The following CPLANE1 variants were observed in gnomAD, a reference collection of about 807,000 sequenced individuals.
CPLANE1 encodes ciliogenesis and planar polarity effector complex subunit 1, also known as ciliogenesis and planar polarity effector 1.
Under a neutral mutation model 362.5 loss-of-function variants are expected in CPLANE1, and 263 were observed. The observed-to-expected ratio is 0.73, with a 90% confidence interval of 0.66 to 0.80. The LOEUF (loss-of-function observed/expected upper bound fraction) is 0.80. Among genes scored for constraint, CPLANE1 ranks in the 30% least tolerant of loss-of-function variants. The pLI, the probability that CPLANE1 is intolerant of heterozygous loss-of-function variation, is 0.00. For synonymous variants in CPLANE1, 1,212 were observed against 1,302.6 expected, an observed-to-expected ratio of 0.93 and a Z score of 1.50; for missense variants, 3,461 against 3,793.4, an observed-to-expected ratio of 0.91 and a Z score of 2.30.
chr5:37,240,002 C>T (rs1217649003), intron 6 of CPLANE1, 133 bp from the exon 7 acceptor site: 5 of 554,284 alleles, frequency 9.0e-6, no homozygotes, highest in Non-Finnish European at 8.8e-6. Context: ...ATTTTAGAGA[C>T]TATGTTAATC....
At chr5:37,088,442 A>T in the CPLANE1 span, among the ~76,000 whole-genome samples, 1 of 152,226 alleles carries the variant, frequency 6.6e-6, no homozygotes, top group Non-Finnish European at 1.5e-5. Flanking sequence ...TTCTATGCGG[A>T]GATCCAGGTC....
At chr5:37,219,385 A>G (rs1216260591) in intron 15 of CPLANE1, among the ~76,000 whole-genome samples, 4 of 151,982 alleles carry the variant, frequency 2.6e-5, no homozygotes, top group Non-Finnish European at 4.4e-5. Context: ...AAAGTCAGCC[A>G]GGCATGGTGG....
chr5:37,187,757 T>A lies in CPLANE1; in HGVS notation c.3897A>T (p.Ala1299=). The A allele has an allele frequency of 6.2e-7, 1 of 1,613,782 alleles. No individual in the cohort carries two copies. The highest frequency in any genetic ancestry group is 1.1e-5 in the South Asian group (1 of 91,024). The change falls in exon 22 of 53, where the codon GCA becomes GCT. Residue 1299 remains alanine, a synonymous_variant. Coordinates refer to ENST00000651892, the MANE Select transcript of CPLANE1 (RefSeq NM_001384732.1). ...CCTTTTCTCCTTTTACATTTTCTCT[T>A]GCTTTCTGATATTGCCTGCAACTAT... ...LSYSCRQYQK[A]RENVKGEKDL... is the part of the protein sequence containing the mutation.
chr5:37,207,882 A>G (rs544365507), intron 16 of CPLANE1, among the ~76,000 whole-genome samples: 2 of 151,896 alleles, frequency 1.3e-5, no homozygotes, highest in African/African-American at 2.4e-5. Flanking sequence ...AATGCAACTC[A>G]TATCACTCTC....
At chr5:37,234,504 GAA>G (rs559018471) in intron 8 of CPLANE1, among the ~76,000 whole-genome samples, 3 of 119,340 alleles carry the variant, frequency 2.5e-5, no homozygotes, top group Admixed American at 8.5e-5. Context: ...ACAAAAATAA[GAA>G]AAAAAAAAAA....
chr5:37,180,426 T>A (rs1004673739), intron 27 of CPLANE1, among the ~76,000 whole-genome samples: 1 of 152,158 alleles, frequency 6.6e-6, no homozygotes, highest in African/African-American at 2.4e-5. Flanking sequence ...GTTCAGTAAA[T>A]AACTAAACAT....
chr5:37,152,046 A>G (rs1773703708), intron 42 of CPLANE1, among the ~76,000 whole-genome samples: 1 of 152,252 alleles, frequency 6.6e-6, no homozygotes, highest in Admixed American at 6.5e-5. Flanking sequence ...AAGGTGTACT[A>G]TAAACCTAAT....
chr5:37,230,246 C>T (rs1797441119), intron 9 of CPLANE1, among the ~76,000 whole-genome samples: 1 of 150,678 alleles, frequency 6.6e-6, no homozygotes, highest in African/African-American at 2.4e-5. Flanking sequence ...AATAACTAAC[C>T]CAAAGTCATA....
chr5:37,234,153 T>C (rs1798373193), intron 8 of CPLANE1, among the ~76,000 whole-genome samples: 1 of 152,022 alleles, frequency 6.6e-6, no homozygotes, highest in Non-Finnish European at 1.5e-5. Flanking sequence ...CAGACATCAA[T>C]GGAATGCCAC....
At chr5:37,122,772 G>T (rs1763028926) in intron 47 of CPLANE1, among the ~76,000 whole-genome samples, 1 of 152,040 alleles carries the variant, frequency 6.6e-6, no homozygotes, top group African/African-American at 2.4e-5. Flanking sequence ...AAATTAGCTG[G>T]GCATGTGGCA....
rs1285984652 is a variant in CPLANE1 at position 37,122,429 on chromosome 5, CCTGT to C, written c.9014_9017del (p.Arg3006CysfsTer17). ...CACAGGGTTACAGCTACCAAACTCACCTGTCTTTTTCATGCTTCATCTTTTGTCT... is the reference window on the plus strand; with the variant it reads ...CACAGGGTTACAGCTACCAAACTCACCTTTTTCATGCTTCATCTTTTGTCT... On this transcript the variant is annotated frameshift_variant and splice_region_variant, in exon 48 of 53. Transcript: ENST00000651892. LOFTEE classifies it high-confidence loss of function. 3 of 1,612,600 alleles carry C rather than the reference CCTGT, an allele frequency of 1.9e-6. No individual in the cohort carries two copies. The East Asian group carries it at 6.7e-5, about 36-fold the overall frequency.
chr5:37,213,075 G>T (rs759107198), intron 16 of CPLANE1, among the ~76,000 whole-genome samples: 5 of 152,320 alleles, frequency 3.3e-5, no homozygotes, highest in Non-Finnish European at 2.9e-5. Flanking sequence ...AGGTGTGGTG[G>T]CATATGCCGA....
In CPLANE1 at chr5:37,180,008, T is replaced by C. The variant is rs1782220303; in HGVS notation, c.5737+9A>G. 5 of 1,519,572 alleles carry C rather than the reference T, an allele frequency of 3.3e-6. No homozygotes were observed. Among genetic ancestry groups the C allele is most frequent in the South Asian group, 1.3e-5 (1 of 75,948 alleles). The allele number at this position is 1,519,572 out of a possible 1,614,324, so 94.1% of individuals were successfully genotyped here. A position where few individuals can be genotyped will look rare whatever the true frequency, so the allele number is the denominator to read the frequency against. ...AAGCCAAAAAAATAGATTATCTAAA[T>C]GAACTGACCTTCATAGTCTGATATG... On this transcript the variant is annotated intron_variant, in intron 28 of 52. Transcript: ENST00000651892.
intron 31 of CPLANE1, 66 bp downstream of exon 31, chr5:37,175,843 T>C (rs984912088): frequency 1.2e-5 from 13 of 1,099,336 alleles, no homozygotes; most frequent in Non-Finnish European, 1.4e-6. Context: ...ACAGTCGGCA[T>C]ACTTTCACTC....
rs144998614 is a variant in CPLANE1 at position 37,163,975 on chromosome 5, T to C, written c.7588+298A>G. On this transcript the variant is annotated intron_variant, in intron 37 of 52. Coordinates refer to ENST00000651892, the MANE Select transcript of CPLANE1 (RefSeq NM_001384732.1). ...GGGAGATTCCAGGTTGGTGAATACA[T>C]GGATGTGCTAGGAGAATGACCATCC... Among the ~76,000 whole-genome samples the C allele has an allele frequency of 9.3e-3, 1,415 of 152,294 alleles. 8 individuals are homozygous for C. The highest frequency in any genetic ancestry group is 0.014 in the Non-Finnish European group (964 of 68,022).
intron 44 of CPLANE1, 33 bp downstream of exon 44, chr5:37,142,277 A>G: frequency 6.7e-7 from 1 of 1,481,876 alleles, no homozygotes; most frequent in Non-Finnish European, 9.0e-7. Flanking sequence ...GGAGAATAAG[A>G]GTATGTGTAA....
rs1458264028 is a variant in CPLANE1, at chr5:37,226,435, T to G, written c.2160A>C (p.Thr720=). ...ISASADGSKI[T]AQDSLVVPIF... ...TAGGTACCACCAATGAGTCTTGAGC[T>G]GTTATTTTACTTCCATCAGCTGATG... The change falls in exon 12 of 53, where the codon ACA becomes ACC. Residue 720 remains threonine, a synonymous_variant. Transcript: ENST00000651892. The G allele has an allele frequency of 6.4e-7, 1 of 1,551,178 alleles. No individual in the cohort carries two copies. Among genetic ancestry groups the G allele is most frequent in the African/African-American group, 1.4e-5 (1 of 73,038 alleles).
intron 40 of CPLANE1, 93 bp downstream of exon 40, chr5:37,157,577 T>C (rs1298292488): frequency 1.7e-6 from 2 of 1,181,898 alleles, no homozygotes; most frequent in East Asian, 2.5e-5. Flanking sequence ...AGTGGGTTTG[T>C]AGGAGGAGAG....
At chr5:37,199,749 T>C (rs771522737) in intron 19 of CPLANE1, among the ~76,000 whole-genome samples, 8 of 152,202 alleles carry the variant, frequency 5.3e-5, no homozygotes, top group Non-Finnish European at 1.2e-4. Flanking sequence ...TACTCAGTTT[T>C]TGAGTATCTG....
Sources: gnomAD v4.1 joint callset for allele counts (sites outside exome capture counted in the v4.1 genomes callset) on GRCh38, gnomAD v4.1.1 for gene constraint, MANE v1.5 for transcripts, NCBI Gene and HGNC (gene_info 2026-07-23, HGNC 2026-07-21) for gene names.